Variants in TCERG1L observed in about 807,000 individuals in gnomAD.
TCERG1L encodes transcription elongation regulator 1 like, also known as transcription elongation regulator 1-like protein.
Under a neutral mutation model 56.3 loss-of-function variants are expected in TCERG1L, and 37 were observed. That is an observed-to-expected ratio of 0.66 (90% confidence interval 0.51 to 0.87). The LOEUF is 0.87. Among genes scored for constraint, TCERG1L ranks in the 40% least tolerant of loss-of-function variants. TCERG1L has a pLI of 0.00. For missense variants in TCERG1L, 799 were observed against 774.2 expected (o/e 1.03, Z -0.38); for synonymous variants, 324 against 326.3 (o/e 0.99, Z 0.08).
chr10:131,231,875 G>C (rs1244180847), intron 4 of TCERG1L, among the ~76,000 whole-genome samples: 1 of 152,206 alleles, frequency 6.6e-6, no homozygotes, highest in Non-Finnish European at 1.5e-5. Context: ...GGAGAGGGGA[G>C]AGCAGCTCCA....
intron 4 of TCERG1L, among the ~76,000 whole-genome samples, chr10:131,183,278 T>A (rs1845200206): frequency 6.6e-6 from 1 of 152,222 alleles, no homozygotes; most frequent in East Asian, 1.9e-4. Context: ...TTCTTTGTTT[T>A]TGCTTTTAAA....
chr10:131,256,988 G>GAAAA (rs1324002284), intron 4 of TCERG1L, among the ~76,000 whole-genome samples: 4 of 72,850 alleles, frequency 5.5e-5, no homozygotes, highest in African/African-American at 2.1e-4. Context: ...AAGGAAGGAA[G>GAAAA]GAAGGAAAGA....
At chr10:131,208,696 T>C (rs899020850) in intron 4 of TCERG1L, among the ~76,000 whole-genome samples, 1 of 152,176 alleles carries the variant, frequency 6.6e-6, no homozygotes, top group Non-Finnish European at 1.5e-5. Context: ...TCAGAAACTT[T>C]CTCCGTGCTG....
At chr10:131,139,103 C>T (rs1845704629) in intron 7 of TCERG1L, among the ~76,000 whole-genome samples, 1 of 152,242 alleles carries the variant, frequency 6.6e-6, no homozygotes, top group African/African-American at 2.4e-5. Flanking sequence ...AATTAAGTCT[C>T]ATGCTCTACA....
intron 4 of TCERG1L, among the ~76,000 whole-genome samples, chr10:131,210,139 T>C (rs1464531184): frequency 6.6e-6 from 1 of 152,238 alleles, no homozygotes; most frequent in Non-Finnish European, 1.5e-5. Context: ...TTTTCCAGCA[T>C]TTTGTCATCA....
At position 131,134,128 on chromosome 10, in the gene TCERG1L, T is replaced by A. The variant is rs563377490; in HGVS notation, c.1259+251A>T. 5.1e-4 allele frequency among the ~76,000 whole-genome samples: 78 copies of A among 152,230 alleles called. 1 individual carries two copies. The highest frequency in any genetic ancestry group is 1.5e-3 in the African/African-American group (63 of 41,544). ...TGGAAACACAGCAGGGCTGAGCATGTGGGCGCCTGGGTAGGCTGGGGGTGG... is the reference window on the plus strand; with the variant it reads ...TGGAAACACAGCAGGGCTGAGCATGAGGGCGCCTGGGTAGGCTGGGGGTGG... On this transcript the variant is annotated intron_variant, in intron 8 of 11. Transcript: ENST00000368642.
At chr10:131,289,383 G>C (rs1846582971) in intron 3 of TCERG1L, among the ~76,000 whole-genome samples, 1 of 152,236 alleles carries the variant, frequency 6.6e-6, no homozygotes, top group South Asian at 2.1e-4. Flanking sequence ...ATACGATATA[G>C]TTGGAAATAA....
chr10:131,200,996 G>C (rs368687682), intron 4 of TCERG1L, among the ~76,000 whole-genome samples: 16 of 152,080 alleles, frequency 1.1e-4, no homozygotes, highest in African/African-American at 3.9e-4. Context: ...CCCTCCCCTC[G>C]GGCGGATACA....
intron 9 of TCERG1L, among the ~76,000 whole-genome samples, chr10:131,115,252 C>A (rs1164475502): frequency 1.3e-5 from 2 of 152,216 alleles, no homozygotes; most frequent in Non-Finnish European, 2.9e-5. Context: ...GGTGATCACC[C>A]GGCAGCACCT....
chr10:131,108,961 C>T (rs1466356279), intron 9 of TCERG1L, among the ~76,000 whole-genome samples: 1 of 152,204 alleles, frequency 6.6e-6, no homozygotes, highest in African/African-American at 2.4e-5. Context: ...AGAATCTCCC[C>T]CTGGCTAAGG....
At chr10:131,145,674 A>G (rs1249649625) in intron 7 of TCERG1L, among the ~76,000 whole-genome samples, 1 of 152,230 alleles carries the variant, frequency 6.6e-6, no homozygotes, top group Non-Finnish European at 1.5e-5. Flanking sequence ...AATGACGTGA[A>G]ATTAAAAATG....
intron 6 of TCERG1L, among the ~76,000 whole-genome samples, chr10:131,153,170 G>C (rs1397243177): frequency 1.3e-5 from 2 of 152,128 alleles, no homozygotes; most frequent in Admixed American, 6.5e-5. Flanking sequence ...CCAGACACTA[G>C]GCTGAGTGGT....
chr10:131,213,313 G>A (rs1200726503), intron 4 of TCERG1L, among the ~76,000 whole-genome samples: 3 of 152,358 alleles, frequency 2.0e-5, no homozygotes, highest in South Asian at 2.1e-4. Flanking sequence ...ACCCGTGAAC[G>A]TGGGAGGGCT....
chr10:131,123,890 A>T (rs1051598806), intron 8 of TCERG1L, among the ~76,000 whole-genome samples: 1 of 151,196 alleles, frequency 6.6e-6, no homozygotes, highest in African/African-American at 2.4e-5. Context: ...TGGACATCCA[A>T]GACTGCCCCG....
Position 131,308,324 on chromosome 10 carries a change from T to G in TCERG1L, c.557A>C (p.His186Pro). The G allele has an allele frequency of 6.2e-7, 1 of 1,613,906 alleles. No homozygotes were observed. The highest frequency in any genetic ancestry group is 8.5e-7 in the Non-Finnish European group (1 of 1,179,876). Residue 186 changes from histidine to proline, a missense_variant, in exon 3 of 12, where the codon CAT (histidine) becomes CCT (proline). Physicochemically the swap from His to Pro is moderately conservative, Grantham distance 77. Transcript: ENST00000368642. The part of the protein sequence containing the change: ...WIHPEESRFF[H>P]GHEKPRLLAN... ...CAGCAAACGAGGCTTTTCATGCCCA[T>G]GGAAAAACCTTGACTCCTCAGGATG...
At chr10:131,256,087 C>G (rs1029449501) in intron 4 of TCERG1L, among the ~76,000 whole-genome samples, 3 of 152,132 alleles carry the variant, frequency 2.0e-5, no homozygotes, top group Non-Finnish European at 4.4e-5. Flanking sequence ...TATGTTGTTA[C>G]AATATTTTTG....
intron 10 of TCERG1L, among the ~76,000 whole-genome samples, chr10:131,102,300 T>C (rs2133380867): frequency 6.6e-6 from 1 of 152,306 alleles, no homozygotes; most frequent in Non-Finnish European, 1.5e-5. Flanking sequence ...CTGCCCGGCC[T>C]ACCCCTGAGC....
chr10:131,136,385 G>A (rs917786358), intron 7 of TCERG1L, among the ~76,000 whole-genome samples: 9 of 152,044 alleles, frequency 5.9e-5, no homozygotes, highest in Admixed American at 1.3e-4. Context: ...GCTTCAGGAC[G>A]AGGGCCTGGG....
chr10:131,169,358 C>T (rs1235268618), intron 4 of TCERG1L, among the ~76,000 whole-genome samples: 3 of 152,144 alleles, frequency 2.0e-5, no homozygotes, highest in African/African-American at 7.2e-5. Context: ...CCAGAAGCAG[C>T]CCCCTGACTG....
Sources: gnomAD v4.1 joint callset for allele counts (sites outside exome capture counted in the v4.1 genomes callset) on GRCh38, gnomAD v4.1.1 for gene constraint, MANE v1.5 for transcripts, NCBI Gene and HGNC (gene_info 2026-07-23, HGNC 2026-07-21) for gene names.